The following TIAM1 variants were observed in gnomAD, a reference collection of about 807,000 sequenced individuals.
TIAM1 encodes the protein TIAM Rac1 associated GEF 1, also known as rho guanine nucleotide exchange factor TIAM1.
TIAM1 carries 65 observed loss-of-function variants against 163.5 expected under a neutral mutation model. That is an observed-to-expected ratio of 0.40 (90% CI 0.33 to 0.49). TIAM1 has a LOEUF of 0.49. Ranked by LOEUF, TIAM1 falls within the 20% of genes least tolerant of loss-of-function variation. The pLI is 0.77. For synonymous variants in TIAM1, 833 were observed against 810.1 expected (o/e 1.03, Z -0.48); for missense variants, 1,789 against 2,044.7 (o/e 0.87, Z 2.41).
chr21:31,402,875 C>G (rs2077189099), intron 2 of TIAM1, among the ~76,000 whole-genome samples: 1 of 152,084 alleles, frequency 6.6e-6, no homozygotes. Context: ...TGGCGTGAAC[C>G]TGGGAGGCAG....
At chr21:31,138,277 C>T (rs1442717588) in intron 22 of TIAM1, among the ~76,000 whole-genome samples, 1 of 152,144 alleles carries the variant, frequency 6.6e-6, no homozygotes, top group Non-Finnish European at 1.5e-5. Flanking sequence ...GTTGAAGGCC[C>T]AGTTTCATCA....
At chr21:31,152,085 A>T (rs371700887) in intron 19 of TIAM1, among the ~76,000 whole-genome samples, 47 of 132,606 alleles carry the variant, frequency 3.5e-4, no homozygotes, top group African/African-American at 1.2e-3. Context: ...CAGACTGGAG[A>T]GCAGTGCTGC....
chr21:31,389,275 G>A (rs1050965626), intron 2 of TIAM1, among the ~76,000 whole-genome samples: 3 of 151,980 alleles, frequency 2.0e-5, no homozygotes, highest in Non-Finnish European at 4.4e-5. Context: ...GAGTGCAGTG[G>A]CACGATCTCA....
chr21:31,174,170 G>C (rs544110908), intron 15 of TIAM1, among the ~76,000 whole-genome samples: 1 of 152,174 alleles, frequency 6.6e-6, no homozygotes, highest in African/African-American at 2.4e-5. Context: ...GACTGTCTTC[G>C]GTTTTCAGAA....
chr21:31,251,880 T>C lies in TIAM1; in HGVS notation c.1273A>G (p.Ile425Val). The change falls in exon 5 of 28, where the codon ATC becomes GTC. Residue 425 changes from isoleucine (I) to valine (V), a missense_variant. Ile to Val is a conservative substitution (Grantham distance 29, BLOSUM62 3). Around this residue, in one of 5 missense-constraint regions of TIAM1, gnomAD observed 555 missense variants for 564.9 expected, o/e 0.98. Coordinates refer to ENST00000541036, the MANE Select transcript of TIAM1 (RefSeq NM_001353694.2). ...GTLSSPGQSD[I>V]LLTAAQGTVR... is the part of the protein sequence containing the mutation. ...GTGCCCTGTGCGGCGGTCAGCAGGA[T>C]GTCCGACTGGCCCGGAGAGCTCAGG... is the stretch of plus-strand genomic sequence containing the variant. 1 of 1,613,890 alleles carries C rather than the reference T, an allele frequency of 6.2e-7. No homozygotes were observed. The highest frequency in any genetic ancestry group is 8.5e-7 in the Non-Finnish European group (1 of 1,179,928).
At chr21:31,217,362 G>A (rs1025514094) in intron 9 of TIAM1, among the ~76,000 whole-genome samples, 191 bp downstream of exon 9, 2 of 152,166 alleles carry the variant, frequency 1.3e-5, no homozygotes, top group African/African-American at 2.4e-5. Context: ...CTTGGTGATA[G>A]ACTAATAGCA....
At chr21:31,550,430 A>G (rs1440606359) in intron 1 of TIAM1, among the ~76,000 whole-genome samples, 1 of 152,204 alleles carries the variant, frequency 6.6e-6, no homozygotes, top group Non-Finnish European at 1.5e-5. Flanking sequence ...TGTCCAGACT[A>G]AGCAAATCCA....
At chr21:31,484,867 C>A (rs796189456) in intron 1 of TIAM1, among the ~76,000 whole-genome samples, 20 of 152,276 alleles carry the variant, frequency 1.3e-4, no homozygotes, top group African/African-American at 4.8e-4. Context: ...TCGGAGGTGA[C>A]TGGGTAGGAG....
At chr21:31,341,817 T>C (rs2076028524) in intron 1 of TIAM1, among the ~76,000 whole-genome samples, 2 of 152,226 alleles carry the variant, frequency 1.3e-5, no homozygotes, top group Non-Finnish European at 2.9e-5. Context: ...AGAGTTCCAC[T>C]GGGCAGAATT....
At chr21:31,424,753 T>C (rs2043721734) in intron 2 of TIAM1, among the ~76,000 whole-genome samples, 1 of 152,162 alleles carries the variant, frequency 6.6e-6, no homozygotes, top group African/African-American at 2.4e-5. Context: ...ACTGTACACA[T>C]CAAAAGTGCT....
rs191796820 is a variant in TIAM1 at position 31,232,935 on chromosome 21, T to C, written c.1585-6985A>G. Among the ~76,000 whole-genome samples, 577 of 151,930 alleles carry C rather than the reference T, an allele frequency of 3.8e-3. 3 individuals carry two copies. The highest frequency in any genetic ancestry group is 6.9e-3 in the Non-Finnish European group (469 of 68,010). On this transcript the variant is annotated intron_variant, in intron 6 of 27. Transcript: ENST00000541036. Reference sequence around the variant, plus strand: ...ACTGTATACAGTTCGGTGAAGGGAATAAGCAAAGTTCTTGCCAACAGACAA... The same window carrying C: ...ACTGTATACAGTTCGGTGAAGGGAACAAGCAAAGTTCTTGCCAACAGACAA...
intron 2 of TIAM1, among the ~76,000 whole-genome samples, chr21:31,315,971 G>A (rs553698858): frequency 1.6e-4 from 24 of 152,034 alleles, no homozygotes; most frequent in Non-Finnish European, 3.4e-4. Context: ...AGCGAGACTC[G>A]GTCTCAAAAA....
At chr21:31,313,593 T>C (rs1346466797) in intron 2 of TIAM1, among the ~76,000 whole-genome samples, 2 of 152,222 alleles carry the variant, frequency 1.3e-5, no homozygotes, top group African/African-American at 4.8e-5. Flanking sequence ...TTTATTTTTT[T>C]TGAGACAGTC....
At position 31,182,369 on chromosome 21, in the gene TIAM1, G is replaced by A. The variant is rs571165339; in HGVS notation, c.2887+52C>T. 7 of 1,420,154 alleles carry A rather than the reference G, an allele frequency of 4.9e-6. No homozygotes were observed. The Admixed American group carries it at 2.0e-4, about 41-fold the overall frequency. 88.0% of individuals were successfully genotyped at this position (1,420,154 alleles called of 1,614,324 possible). A position where few individuals can be genotyped will look rare whatever the true frequency, so the allele number is the denominator to read the frequency against. On this transcript the variant is annotated intron_variant, in intron 15 of 27. Coordinates refer to ENST00000541036, the MANE Select transcript of TIAM1 (RefSeq NM_001353694.2). ...ACAAGCCGCATGATAAACTCCCCGG[G>A]TCGTGGCACAACGGAGTTCAGACTC...
In TIAM1 at chr21:31,130,875, CAT is replaced by C; in HGVS notation, c.3942+13_3942+14del. 6.2e-7 allele frequency: 1 copy of C among 1,612,378 alleles called. No individual in the cohort carries two copies. The highest frequency in any genetic ancestry group is 8.5e-7 in the Non-Finnish European group (1 of 1,178,492). ...GAAATAGTTTCAAACCATGGGGTAA[CAT>C]AAGATGTCTTACAAGTTTCTTCTTC... On this transcript the variant is annotated intron_variant, in intron 24 of 27. Transcript: ENST00000541036.
chr21:31,349,902 A>C (rs1229017686), intron 2 of TIAM1, among the ~76,000 whole-genome samples: 3 of 152,366 alleles, frequency 2.0e-5, no homozygotes, highest in Non-Finnish European at 4.4e-5. Flanking sequence ...TGCATGGGTT[A>C]ACAGGCTTTG....
At chr21:31,317,717 G>T (rs1010965761) in intron 2 of TIAM1, among the ~76,000 whole-genome samples, 3 of 152,076 alleles carry the variant, frequency 2.0e-5, no homozygotes, top group African/African-American at 7.2e-5. Context: ...GAGGCAGAGG[G>T]TGTAGTGAGC....
intron 1 of TIAM1, among the ~76,000 whole-genome samples, chr21:31,512,976 A>G (rs750075014): frequency 2.6e-4 from 40 of 152,280 alleles, no homozygotes; most frequent in South Asian, 6.2e-4. Flanking sequence ...AGGGAAAACT[A>G]TAATGTTCTA....
intron 11 of TIAM1, among the ~76,000 whole-genome samples, chr21:31,205,883 G>C (rs1026046240): frequency 6.6e-5 from 10 of 152,106 alleles, no homozygotes; most frequent in African/African-American, 2.4e-4. Flanking sequence ...CGGGAGGATT[G>C]CTTGAGCCTG....
Sources: gnomAD v4.1 joint callset for allele counts (sites outside exome capture counted in the v4.1 genomes callset) on GRCh38, gnomAD v4.1.1 for gene constraint, gnomAD v4.1.1 regional missense constraint, MANE v1.5 for transcripts, NCBI Gene and HGNC (gene_info 2026-07-23, HGNC 2026-07-21) for gene names.